ADARB1: variants seen among roughly 807,000 people sequenced by gnomAD.
ADARB1 encodes the protein adenosine deaminase RNA specific B1.
Under a neutral mutation model 52.4 loss-of-function variants are expected in ADARB1, and 10 were observed. The ratio of observed to expected loss-of-function variants is 0.19; its 90% CI spans 0.12 to 0.32. The LOEUF (loss-of-function observed/expected upper bound fraction) is 0.32, where lower values mean the gene tolerates loss of function less well. Ranked by LOEUF, ADARB1 falls within the 10% of genes least tolerant of loss-of-function variation. The pLI is 1.00. For missense variants in ADARB1, 643 were observed against 922.3 expected (o/e 0.70, Z 3.92); for synonymous variants, 349 against 371.1 (o/e 0.94, Z 0.68).
At position 45,222,209 on chromosome 21, in the gene ADARB1, A is replaced by C. The variant is rs746241242; in HGVS notation, c.*12A>C. 1 of 1,539,130 alleles carries C rather than the reference A, an allele frequency of 6.5e-7. No homozygotes were observed. The highest frequency in any genetic ancestry group is 1.3e-5 in the South Asian group (1 of 78,968). ...CACTCACGCCCTGACCCGGGCAGAC[A>C]TGATGGGGGGTGCAGGGGGCTGTGG... On this transcript the variant is annotated 3_prime_UTR_variant, in exon 11 of 11. Coordinates refer to ENST00000348831, the MANE Select transcript of ADARB1 (RefSeq NM_001112.4).
chr21:45,166,359 C>T (rs528634866), intron 2 of ADARB1, among the ~76,000 whole-genome samples: 76 of 152,280 alleles, frequency 5.0e-4, no homozygotes, highest in African/African-American at 1.8e-3. Flanking sequence ...GATCAGGACA[C>T]GGTGAGGGAA....
chr21:45,215,353 A>G (rs1443818839), intron 9 of ADARB1, among the ~76,000 whole-genome samples: 1 of 152,116 alleles, frequency 6.6e-6, no homozygotes, highest in Non-Finnish European at 1.5e-5. Flanking sequence ...TGGCTGCTGT[A>G]GGTTTTTTAC....
chr21:45,081,917 C>G (rs576122968), intron 1 of ADARB1, among the ~76,000 whole-genome samples: 15 of 152,200 alleles, frequency 9.9e-5, no homozygotes, highest in Non-Finnish European at 1.5e-4. Flanking sequence ...GGGCCAGGTC[C>G]TGCAGACTCT....
intron 2 of ADARB1, among the ~76,000 whole-genome samples, chr21:45,139,497 G>C (rs980966443): frequency 6.6e-6 from 1 of 151,236 alleles, no homozygotes; most frequent in Non-Finnish European, 1.5e-5. Context: ...CCATATTCTT[G>C]CCTGGCATGG....
In ADARB1 at chr21:45,208,406, G is replaced by T. The variant is rs1569170648; in HGVS notation, c.1747+3670G>T. The stretch of plus-strand genomic sequence containing the variant: ...GTCCTTGTGAAGAGCTTGCATTTAG[G>T]TATCTCTGGGAGGACAGCACAGGGA... On this transcript the variant is annotated intron_variant, in intron 9 of 10. Transcript: ENST00000348831. The surrounding 1 kb of genome is among the most constrained non-coding windows in gnomAD (Gnocchi z 5.6). 6.6e-6 allele frequency among the ~76,000 whole-genome samples: 1 copy of T among 152,198 alleles called. No individual in the cohort carries two copies. The highest frequency in any genetic ancestry group is 2.4e-5 in the African/African-American group (1 of 41,442).
intron 8 of ADARB1, among the ~76,000 whole-genome samples, chr21:45,202,143 G>A (rs1278168839): frequency 6.6e-6 from 1 of 152,146 alleles, no homozygotes; most frequent in East Asian, 1.9e-4. Context: ...AAGAGGAGAG[G>A]GCTTGGGGCA....
Position 45,220,834 on chromosome 21 carries a change from A to G in ADARB1, c.1748-2A>G, listed in dbSNP as rs1196294886. On this transcript the variant is annotated splice_acceptor_variant, in intron 9 of 10. Transcript: ENST00000348831. LOFTEE classifies it high-confidence loss of function. This position sits in a 1 kb window ranked among gnomAD's most constrained non-coding sequence, Gnocchi z 6.3. The stretch of plus-strand genomic sequence containing the variant: ...ACCACCTTCCTGTGTCTTCCGTTTC[A>G]GGCATCAGCAATGCAGAAGCACGGC... 6.2e-7 allele frequency: 1 copy of G among 1,611,968 alleles called. No individual in the cohort carries two copies. The highest frequency in any genetic ancestry group is 8.5e-7 in the Non-Finnish European group (1 of 1,178,860).
At chr21:45,201,269 C>T (rs2092548994) in intron 8 of ADARB1, among the ~76,000 whole-genome samples, 1 of 152,212 alleles carries the variant, frequency 6.6e-6, no homozygotes, top group African/African-American at 2.4e-5. Flanking sequence ...TCCCAGCTGT[C>T]CTTTGTGAGG....
chr21:45,203,513 A>G (rs2092605347), intron 8 of ADARB1, among the ~76,000 whole-genome samples: 1 of 152,202 alleles, frequency 6.6e-6, no homozygotes, highest in African/African-American at 2.4e-5. Context: ...AGGGTGCTCC[A>G]GACACAGCAA....
intron 2 of ADARB1, among the ~76,000 whole-genome samples, chr21:45,131,905 A>C (rs1161018218): frequency 6.6e-6 from 1 of 152,220 alleles, no homozygotes; most frequent in Non-Finnish European, 1.5e-5. Context: ...GAGCTCCGCA[A>C]GCCTCTGCGG....
At chr21:45,185,267 G>C (rs918936855) in intron 8 of ADARB1, among the ~76,000 whole-genome samples, 176 bp downstream of exon 8, 42 of 152,380 alleles carry the variant, frequency 2.8e-4, no homozygotes, top group African/African-American at 8.9e-4. Context: ...ACCCCCGTGA[G>C]GGGCAGCAGC....
chr21:45,120,358 A>G (rs937635008), intron 1 of ADARB1, among the ~76,000 whole-genome samples: 7 of 152,262 alleles, frequency 4.6e-5, no homozygotes, highest in Admixed American at 4.6e-4. Flanking sequence ...TCATCTGTGC[A>G]TATGAACGCA....
chr21:45,155,443 A>G (rs568668602), intron 2 of ADARB1, among the ~76,000 whole-genome samples: 1 of 152,206 alleles, frequency 6.6e-6, no homozygotes, highest in East Asian at 1.9e-4. Context: ...GATGCAGAGC[A>G]TGGTAGCACC....
At chr21:45,177,887 T>C (rs1026485661) in intron 4 of ADARB1, among the ~76,000 whole-genome samples, 2 of 152,218 alleles carry the variant, frequency 1.3e-5, no homozygotes, top group African/African-American at 4.8e-5. Context: ...ACTGATTTTT[T>C]TAACGAACCA....
chr21:45,175,582 A>T, intron 3 of ADARB1, 148 bp from the exon 4 acceptor site: 1 of 802,294 alleles, frequency 1.2e-6, no homozygotes, highest in Non-Finnish European at 2.0e-6. Context: ...AACTAAATGT[A>T]TAACTCTTCA....
rs373524337 is a variant in ADARB1, at chr21:45,223,379, G to A, written c.*1182G>A. On this transcript the variant is annotated 3_prime_UTR_variant, in exon 11 of 11. Coordinates refer to ENST00000348831, the MANE Select transcript of ADARB1 (RefSeq NM_001112.4). ...GGGCTGCCCAGCGCCCAGCGTGCAC[G>A]GGACGGCCCCACGACAGAGGGAGTC... 4.6e-5 allele frequency: 45 copies of A among 985,548 alleles called. No individual in the cohort carries two copies. Among genetic ancestry groups the A allele is most frequent in the African/African-American group, 7.0e-5 (4 of 57,252 alleles). 61.1% of individuals were successfully genotyped at this position (985,548 alleles called of 1,614,324 possible).
Position 45,208,272 on chromosome 21 carries a change from TGACA to T in ADARB1, c.1747+3542_1747+3545del, listed in dbSNP as rs1452358806. On this transcript the variant is annotated intron_variant, in intron 9 of 10. Coordinates refer to ENST00000348831, the MANE Select transcript of ADARB1 (RefSeq NM_001112.4). The surrounding 1 kb of genome is among the most constrained non-coding windows in gnomAD (Gnocchi z 5.6). Reference sequence around the variant, plus strand: ...CATGCGATGGCTCTGGGGACCTTGTTGACAGACAGCCTGCTCCGGGGTTTGCAGA... The same window carrying T: ...CATGCGATGGCTCTGGGGACCTTGTTGACAGCCTGCTCCGGGGTTTGCAGA... Among the ~76,000 whole-genome samples the T allele has an allele frequency of 6.6e-6, 1 of 152,226 alleles. No homozygotes were observed. The highest frequency in any genetic ancestry group is 2.4e-5 in the African/African-American group (1 of 41,458).
rs2085828872 is a variant in ADARB1 at position 45,074,596 on chromosome 21, C to CGTGGCGGCGGCGGCGGCG, written c.-415_-398dup. The CGTGGCGGCGGCGGCGGCG allele has an allele frequency of 8.0e-6, 1 of 125,030 alleles. No homozygotes were observed. Among genetic ancestry groups the CGTGGCGGCGGCGGCGGCG allele is most frequent in the Non-Finnish European group, 1.8e-5 (1 of 56,912 alleles). The allele number at this position is 125,030 out of a possible 1,614,324, so 7.7% of individuals were successfully genotyped here. Reference sequence around the variant, plus strand: ...GGCGGGGCTGAGGCGCTGAGGCGGCCGTGGCGGCGGCGGCGGCGGCGGCGG... The same window carrying CGTGGCGGCGGCGGCGGCG: ...GGCGGGGCTGAGGCGCTGAGGCGGCCGTGGCGGCGGCGGCGGCGGTGGCGGCGGCGGCGGCGGCGGCGG... On this transcript the variant is annotated 5_prime_UTR_variant, in exon 1 of 11. Coordinates refer to ENST00000348831, the MANE Select transcript of ADARB1 (RefSeq NM_001112.4).
At chr21:45,209,572 C>T (rs2092729023) in intron 9 of ADARB1, among the ~76,000 whole-genome samples, 2 of 152,170 alleles carry the variant, frequency 1.3e-5, no homozygotes, top group Non-Finnish European at 2.9e-5. Context: ...CCCAAGGACA[C>T]GTCAAGACCT....
Sources: allele counts gnomAD v4.1 joint callset (sites outside exome capture counted in the v4.1 genomes callset), GRCh38; gene constraint gnomAD v4.1.1; non-coding constraint Gnocchi (gnomAD v3.1); transcripts MANE v1.5; gene names NCBI Gene and HGNC (gene_info 2026-07-23, HGNC 2026-07-21).